XXYLT1: variants seen among roughly 807,000 people sequenced by gnomAD.
The protein encoded by XXYLT1 is xyloside xylosyltransferase 1.
In XXYLT1, 20 loss-of-function variants were observed where a neutral mutation model predicts 28.9. The observed-to-expected ratio is 0.69, with a 90% CI of 0.49 to 1.00. XXYLT1 has a LOEUF of 1.00. Among genes scored for constraint, XXYLT1 ranks in the 50% least tolerant of loss-of-function variants. The pLI is 0.00. For missense variants in XXYLT1, 542 were observed against 560.1 expected (o/e 0.97, Z 0.33); for synonymous variants, 257 against 253.8 (o/e 1.01, Z -0.12).
intron 2 of XXYLT1, chr3:195,175,765 G>A (rs1721635185): frequency 2.0e-6 from 3 of 1,521,678 alleles, no homozygotes. Flanking sequence ...CTCAGCCACT[G>A]CTCCCCTGGA....
chr3:195,249,868 G>A (rs1300030498), intron 1 of XXYLT1, among the ~76,000 whole-genome samples: 1 of 152,060 alleles, frequency 6.6e-6, no homozygotes, highest in African/African-American at 2.4e-5. Flanking sequence ...ACCTAGTAGC[G>A]GCCCTTTCCT....
At chr3:195,122,659 C>T (rs569543412) in intron 3 of XXYLT1, among the ~76,000 whole-genome samples, 25 of 152,354 alleles carry the variant, frequency 1.6e-4, no homozygotes, top group South Asian at 2.1e-4. Flanking sequence ...GCCCCAGCAC[C>T]ACAAATTAGC....
At position 195,210,125 on chromosome 3, in the gene XXYLT1, C is replaced by G. The variant is rs1723248912; in HGVS notation, c.652+16584G>C. ...CAGAATGCCTGCTCGGCCCCTCCCC[C>G]AGCCTTCACCCCAAGCCTTCAAGGC... On this transcript the variant is annotated intron_variant, in intron 2 of 3. Transcript: ENST00000310380. The surrounding 1 kb of genome is among the most constrained non-coding windows in gnomAD (Gnocchi z 4.8). 1.3e-5 allele frequency among the ~76,000 whole-genome samples: 2 copies of G among 152,224 alleles called. No individual in the cohort carries two copies. Among genetic ancestry groups the G allele is most frequent in the South Asian group, 2.1e-4 (1 of 4,834 alleles).
chr3:195,245,825 C>T (rs2108832284), intron 1 of XXYLT1, among the ~76,000 whole-genome samples: 1 of 152,322 alleles, frequency 6.6e-6, no homozygotes, highest in Admixed American at 6.5e-5. Flanking sequence ...CCCGCCTCCA[C>T]TCTCTCCTGC....
intron 2 of XXYLT1, among the ~76,000 whole-genome samples, chr3:195,157,384 T>C (rs1720657958): frequency 6.6e-6 from 1 of 151,950 alleles, no homozygotes. Context: ...CAAACCCAGA[T>C]GTGTGTCAAG....
intron 2 of XXYLT1, among the ~76,000 whole-genome samples, chr3:195,213,925 G>A (rs1213141926): frequency 5.3e-5 from 8 of 152,190 alleles, no homozygotes; most frequent in Admixed American, 4.6e-4. Flanking sequence ...TAGGAGTCAC[G>A]AGGGGTTTAG....
At chr3:195,087,280 AT>A in intron 3 of XXYLT1, 1 of 152,316 alleles carries the variant, frequency 6.6e-6, no homozygotes, top group Non-Finnish European at 1.5e-5. Context: ...CCAGGGAGAC[AT>A]TTTTCCCCTT....
At chr3:195,258,884 T>C (rs1725576409) in intron 1 of XXYLT1, among the ~76,000 whole-genome samples, 1 of 152,192 alleles carries the variant, frequency 6.6e-6, no homozygotes, top group South Asian at 2.1e-4. Flanking sequence ...ACACCGGAAA[T>C]AAACCTGGCC....
chr3:195,125,507 TG>T lies in XXYLT1; in HGVS notation c.785+30941del, dbSNP rs779665805. On this transcript the variant is annotated intron_variant, in intron 3 of 3. Coordinates refer to ENST00000310380, the MANE Select transcript of XXYLT1 (RefSeq NM_152531.5). ...CCAGGATATGAGCTCACAAGCCTGG[TG>T]GGGGTGGGCAATGGGGAAGAGCCCA... Among the ~76,000 whole-genome samples the T allele has an allele frequency of 9.9e-5, 15 of 152,020 alleles. No individual in the cohort carries two copies. The East Asian group carries it at 2.5e-3, about 26-fold the overall frequency.
chr3:195,266,740 C>T (rs550021763), intron 1 of XXYLT1, among the ~76,000 whole-genome samples: 31 of 152,246 alleles, frequency 2.0e-4, no homozygotes, highest in African/African-American at 7.5e-4. Context: ...CAGTGACGCC[C>T]AAGCCTGCCT....
chr3:195,201,516 A>G (rs1401918855), intron 2 of XXYLT1, among the ~76,000 whole-genome samples: 2 of 152,184 alleles, frequency 1.3e-5, no homozygotes, highest in Non-Finnish European at 2.9e-5. Context: ...CCCAAGTCCT[A>G]TCTTGAGGCT....
chr3:195,260,463 G>T (rs1725657510), intron 1 of XXYLT1, among the ~76,000 whole-genome samples: 2 of 152,204 alleles, frequency 1.3e-5, no homozygotes, highest in South Asian at 4.1e-4. Context: ...GCAGCCTCGG[G>T]CACGGGGCAC....
rs758592603 is a variant in XXYLT1, at chr3:195,226,777, C to A, written c.584G>T (p.Gly195Val). Residue 195 changes from glycine (G) to valine (V), a missense_variant, in exon 2 of 4, where the codon GGC becomes GTC. Coordinates refer to ENST00000310380, the MANE Select transcript of XXYLT1 (RefSeq NM_152531.5). ...VEAMQKHFSA[G>V]LGTYYSDSIF... ...GGAGTCACTGTAGTAGGTTCCCAAGCCAGCACTGAAGTGCTTCTGCATGGC... is the reference window on the plus strand; with the variant it reads ...GGAGTCACTGTAGTAGGTTCCCAAGACAGCACTGAAGTGCTTCTGCATGGC... The A allele has an allele frequency of 1.7e-5, 28 of 1,613,812 alleles. No individual in the cohort carries two copies. The highest frequency in any genetic ancestry group is 2.4e-5 in the Non-Finnish European group (28 of 1,179,988).
intron 2 of XXYLT1, among the ~76,000 whole-genome samples, chr3:195,220,132 C>G (rs1333952831): frequency 6.6e-6 from 1 of 151,988 alleles, no homozygotes; most frequent in African/African-American, 2.4e-5. Flanking sequence ...TTTTTGGCAG[C>G]ATTACTTTTT....
chr3:195,253,995 C>G (rs1725379638), intron 1 of XXYLT1, among the ~76,000 whole-genome samples: 1 of 152,230 alleles, frequency 6.6e-6, no homozygotes, highest in Non-Finnish European at 1.5e-5. Context: ...TGCTCTCGGA[C>G]AAGTCACGGG....
In XXYLT1 at chr3:195,069,581, G is replaced by T. The variant is rs1305577721; in HGVS notation, c.*134C>A. 4 of 1,325,494 alleles carry T rather than the reference G, an allele frequency of 3.0e-6. No homozygotes were observed. In the African/African-American group the frequency reaches 5.9e-5, roughly 20 times the overall value. The allele number at this position is 1,325,494 out of a possible 1,614,324, so 82.1% of individuals were successfully genotyped here. ...CAGCACAGTGACCTGCCCGGCAGGA[G>T]GTCTCAGCACCTTAATCACAGGACT... is the stretch of plus-strand genomic sequence containing the variant. On this transcript the variant is annotated 3_prime_UTR_variant, in exon 4 of 4. Transcript: ENST00000310380.
intron 3 of XXYLT1, among the ~76,000 whole-genome samples, chr3:195,138,330 C>T (rs1192290792): frequency 6.6e-6 from 1 of 152,152 alleles, no homozygotes; most frequent in African/African-American, 2.4e-5. Flanking sequence ...CCTACCTAGA[C>T]TGGATTTGTG....
intron 2 of XXYLT1, among the ~76,000 whole-genome samples, chr3:195,178,408 C>T (rs1721780479): frequency 6.6e-6 from 1 of 152,192 alleles, no homozygotes; most frequent in Non-Finnish European, 1.5e-5. Context: ...CCAGAAAACC[C>T]TATTATGTGG....
rs946199059 is a variant in XXYLT1 at position 195,150,155 on chromosome 3, C to T, written c.785+6294G>A. On this transcript the variant is annotated intron_variant, in intron 3 of 3. Transcript: ENST00000310380. This position sits in a 1 kb window ranked among gnomAD's most constrained non-coding sequence, Gnocchi z 4.7. ...ACTGTGGATAACGCTGCCACCACCACCCAGGAGTGCTGCTCGTGCTAGGCA... is the reference window on the plus strand; with the variant it reads ...ACTGTGGATAACGCTGCCACCACCATCCAGGAGTGCTGCTCGTGCTAGGCA... 7.1e-6 allele frequency among the ~76,000 whole-genome samples: 1 copy of T among 141,626 alleles called. No individual in the cohort carries two copies. Among genetic ancestry groups the T allele is most frequent in the African/African-American group, 2.7e-5 (1 of 36,518 alleles). 92.9% of individuals were successfully genotyped at this position (141,626 alleles called of 152,430 possible). A position where few individuals can be genotyped will look rare whatever the true frequency, so the allele number is the denominator to read the frequency against.
Sources: gnomAD v4.1 joint callset for allele counts (sites outside exome capture counted in the v4.1 genomes callset) on GRCh38, gnomAD v4.1.1 for gene constraint, Gnocchi (gnomAD v3.1) non-coding constraint, MANE v1.5 for transcripts, NCBI Gene and HGNC (gene_info 2026-07-23, HGNC 2026-07-21) for gene names.